The following CROCC variants were observed in gnomAD, a reference collection of about 807,000 sequenced individuals.
The protein encoded by CROCC is ciliary rootlet coiled-coil, rootletin, also known as rootletin.
A neutral mutation model predicts 245.2 loss-of-function variants in CROCC; 180 were observed. That is an observed-to-expected ratio of 0.73 (90% CI 0.65 to 0.83). The LOEUF (loss-of-function observed/expected upper bound fraction) is 0.83. Ranked by LOEUF, CROCC falls within the 40% of genes least tolerant of loss-of-function variation. CROCC has a pLI of 0.00. For missense variants in CROCC, 2,688 were observed against 2,779.4 expected, an observed-to-expected ratio of 0.97 and a Z score of 0.74; for synonymous variants, 1,205 against 1,241.6, an observed-to-expected ratio of 0.97 and a Z score of 0.62.
chr1:16,942,073 C>T (rs1441820905), intron 13 of CROCC, among the ~76,000 whole-genome samples: 10 of 152,356 alleles, frequency 6.6e-5, no homozygotes, highest in Non-Finnish European at 5.9e-5. Context: ...TGCAGTGGTG[C>T]GATCTCATTT....
chr1:16,941,097 T>A (rs185668874), intron 13 of CROCC: 6 of 191,882 alleles, frequency 3.1e-5, no homozygotes, highest in Admixed American at 2.5e-4. Context: ...CTAGCTTCAA[T>A]CACTCCTCCC....
chr1:16,924,495 G>T lies in CROCC; in HGVS notation c.351+16G>T. On this transcript the variant is annotated intron_variant, in intron 3 of 36. Coordinates refer to ENST00000375541, the MANE Select transcript of CROCC (RefSeq NM_014675.5). ...CAGCGAGAGGGTGGGTGCCGCCCAG[G>T]TGGTGGACTAGGCCAGGGTTCCCCT... The T allele has an allele frequency of 6.2e-7, 1 of 1,608,222 alleles. No homozygotes were observed. Among genetic ancestry groups the T allele is most frequent in the Non-Finnish European group, 8.5e-7 (1 of 1,175,754 alleles).
chr1:16,959,914 G>A (rs907674136), intron 26 of CROCC, among the ~76,000 whole-genome samples: 1 of 151,552 alleles, frequency 6.6e-6, no homozygotes, highest in Non-Finnish European at 1.5e-5. Context: ...AGGGCTGTGA[G>A]TACATGTGAT....
At position 16,972,449 on chromosome 1, in the gene CROCC, T is replaced by A; in HGVS notation, c.*3T>A. On this transcript the variant is annotated 3_prime_UTR_variant, in exon 37 of 37. Transcript: ENST00000375541. ...CCTCCGGCCCCCCAGAGAAATGAGC[T>A]CCTGCTGGCATCTGGAGAACACCCC... is the stretch of plus-strand genomic sequence containing the variant. The A allele has an allele frequency of 6.2e-7, 1 of 1,609,548 alleles. No homozygotes were observed.
In CROCC at chr1:16,960,717, G is replaced by A. The variant is rs548002265; in HGVS notation, c.4033-41G>A. 111 of 1,457,060 alleles carry A rather than the reference G, an allele frequency of 7.6e-5. 1 individual carries two copies. In the South Asian group the frequency reaches 1.4e-3, roughly 19 times the overall value. 90.3% of individuals were successfully genotyped at this position (1,457,060 alleles called of 1,614,324 possible). On this transcript the variant is annotated intron_variant, in intron 26 of 36. Transcript: ENST00000375541. ...GCCTTAGGGGTGGGGCGTCGGGTTG[G>A]GAGAGGTCTTGCCGACCTCCACCTC...
chr1:16,938,989 G>T lies in CROCC; in HGVS notation c.1455G>T (p.Arg485=), dbSNP rs751391630. The T allele has an allele frequency of 1.4e-4, 225 of 1,604,662 alleles. No homozygotes were observed. Among genetic ancestry groups the T allele is most frequent in the Non-Finnish European group, 1.8e-4 (207 of 1,177,046 alleles). Residue 485 remains arginine (R), a synonymous_variant, in exon 12 of 37, where the codon CGG becomes CGT. Coordinates refer to ENST00000375541, the MANE Select transcript of CROCC (RefSeq NM_014675.5). ...CGGATGCTTCCAACGGCAGCCTGCGGGGGCTCTCGGGCCAGCGGACCCCGT... is the reference window on the plus strand; with the variant it reads ...CGGATGCTTCCAACGGCAGCCTGCGTGGGCTCTCGGGCCAGCGGACCCCGT... ...RTADASNGSL[R]GLSGQRTPSP...
chr1:16,927,321 C>T (rs1299889548), intron 3 of CROCC, among the ~76,000 whole-genome samples: 1 of 152,272 alleles, frequency 6.6e-6, no homozygotes, highest in Non-Finnish European at 1.5e-5. Flanking sequence ...TCTCCCACCT[C>T]ATGGGTGCAC....
chr1:16,966,518 G>A lies in CROCC; in HGVS notation c.4807G>A (p.Ala1603Thr). 6.5e-7 allele frequency: 1 copy of A among 1,526,726 alleles called. No individual in the cohort carries two copies. The highest frequency in any genetic ancestry group is 8.8e-7 in the Non-Finnish European group (1 of 1,141,004). The allele number at this position is 1,526,726 out of a possible 1,614,324, so 94.6% of individuals were successfully genotyped here. The change falls in exon 30 of 37, where the codon GCC (alanine) becomes ACC (threonine). Residue 1603 changes from alanine to threonine, a missense_variant. Around this residue, in one of 9 missense-constraint regions of CROCC, gnomAD observed 1,218 missense variants for 1,286.3 expected, o/e 0.95. Coordinates refer to ENST00000375541, the MANE Select transcript of CROCC (RefSeq NM_014675.5). This position sits in a 1 kb window ranked among gnomAD's most constrained non-coding sequence, Gnocchi z 4.8. ...RERRATLDQV[A>T]TLERSLQATE... ...GCGCCGGGCCACGCTGGACCAGGTG[G>A]CCACACTGGAGAGGAGCCTGCAGGC...
At chr1:16,955,250 A>C in intron 23 of CROCC, 62 bp from the exon 24 acceptor site, 1 of 1,531,278 alleles carries the variant, frequency 6.5e-7, no homozygotes, top group Non-Finnish European at 8.9e-7. Context: ...TCTGGGGTAC[A>C]AGACCCAGCT....
chr1:16,922,581 A>G, intron 1 of CROCC, 82 bp from the exon 2 acceptor site: 1 of 1,506,518 alleles, frequency 6.6e-7, no homozygotes, highest in Non-Finnish European at 8.9e-7. Flanking sequence ...TATCTTGGGC[A>G]GTAGGATTCT....
chr1:16,916,143 A>C (rs2075300950), intron 1 of CROCC, among the ~76,000 whole-genome samples: 1 of 151,732 alleles, frequency 6.6e-6, no homozygotes, highest in Non-Finnish European at 1.5e-5. Context: ...GCACCACTGC[A>C]CTCCAGCTCA....
At chr1:16,929,655 C>T (rs1447667888) in intron 3 of CROCC, among the ~76,000 whole-genome samples, 191 bp from the exon 4 acceptor site, 2 of 152,284 alleles carry the variant, frequency 1.3e-5, no homozygotes, top group South Asian at 2.1e-4. Flanking sequence ...TCTGCGTGCC[C>T]GTGCATGGCT....
At chr1:16,919,688 GC>G (rs1438435495), upstream of CROCC, among the ~76,000 whole-genome samples, 1 of 152,272 alleles carries the variant, frequency 6.6e-6, no homozygotes, top group Non-Finnish European at 1.5e-5. Context: ...AGGAACAGTG[GC>G]CCCCATTGGC....
intron 15 of CROCC, 59 bp from the exon 16 acceptor site, chr1:16,946,200 C>T (rs1406863255): frequency 8.9e-6 from 14 of 1,569,922 alleles, no homozygotes; most frequent in African/African-American, 2.7e-5. Context: ...CTTCTTGGGC[C>T]TCCTCACCTC....
intron 25 of CROCC, among the ~76,000 whole-genome samples, chr1:16,957,529 G>A (rs566901115): frequency 2.0e-5 from 3 of 152,122 alleles, no homozygotes; most frequent in South Asian, 2.1e-4. Context: ...TGCAACCTCC[G>A]CCTCCCGGGT....
In CROCC at chr1:16,969,331, A is replaced by G; in HGVS notation, c.5292A>G (p.Gln1764=). 6.2e-7 allele frequency: 1 copy of G among 1,611,128 alleles called. No individual in the cohort carries two copies. Among genetic ancestry groups the G allele is most frequent in the South Asian group, 1.1e-5 (1 of 90,684 alleles). ...KALTACEHDR[Q]VLQERLDAAR... ...TGACCGCCTGTGAACATGACCGCCA[A>G]GTACTCCAGGTCTCGGGCCCAGGGT... Residue 1764 remains glutamine, a synonymous_variant, in exon 32 of 37, where the codon CAA becomes CAG. Transcript: ENST00000375541.
intron 14 of CROCC, among the ~76,000 whole-genome samples, chr1:16,944,765 T>C (rs1218264920): frequency 1.3e-5 from 2 of 152,264 alleles, no homozygotes; most frequent in African/African-American, 4.8e-5. Flanking sequence ...GAGCCAGGAT[T>C]TGAACCCAGA....
chr1:16,938,172 C>G (rs576167853), intron 10 of CROCC, among the ~76,000 whole-genome samples: 1 of 152,256 alleles, frequency 6.6e-6, no homozygotes, highest in Admixed American at 6.5e-5. Context: ...GTTCTAGGTC[C>G]GGCTCTCCTG....
intron 25 of CROCC, 120 bp from the exon 26 acceptor site, chr1:16,958,463 G>A: frequency 1.6e-6 from 2 of 1,231,460 alleles, no homozygotes; most frequent in Non-Finnish European, 1.1e-6. Flanking sequence ...GCTCCCAGTG[G>A]ATGTGGGGTG....
Sources: gnomAD v4.1 joint callset for allele counts (sites outside exome capture counted in the v4.1 genomes callset) on GRCh38, gnomAD v4.1.1 for gene constraint, gnomAD v4.1.1 regional missense constraint, Gnocchi (gnomAD v3.1) non-coding constraint, MANE v1.5 for transcripts, NCBI Gene and HGNC (gene_info 2026-07-23, HGNC 2026-07-21) for gene names.